Variants in FAM13A observed in about 807,000 individuals in gnomAD.
FAM13A encodes protein FAM13A.
FAM13A carries 76 observed loss-of-function variants against 129.6 expected under a neutral mutation model. The ratio of observed to expected loss-of-function variants is 0.59; its 90% CI spans 0.49 to 0.71. The LOEUF is 0.71. Among genes scored for constraint, FAM13A ranks in the 30% least tolerant of loss-of-function variants. FAM13A has a pLI of 0.00. For missense variants in FAM13A, 1,108 were observed against 1,249.3 expected, an observed-to-expected ratio of 0.89 and a Z score of 1.70; for synonymous variants, 443 against 449.9, an observed-to-expected ratio of 0.98 and a Z score of 0.20.
intron 3 of FAM13A, among the ~76,000 whole-genome samples, chr4:88,992,277 T>C (rs1242525718): frequency 2.6e-5 from 4 of 152,022 alleles, no homozygotes; most frequent in Non-Finnish European, 5.9e-5. Context: ...CTTCTTCTTT[T>C]TTTTTTTTTA....
chr4:88,971,854 A>T (rs1262493887), intron 4 of FAM13A, among the ~76,000 whole-genome samples: 1 of 152,202 alleles, frequency 6.6e-6, no homozygotes, highest in Non-Finnish European at 1.5e-5. Flanking sequence ...GGAAAAGGAA[A>T]CTAGTTGAAA....
intron 1 of FAM13A, among the ~76,000 whole-genome samples, chr4:89,041,539 G>A (rs1770128515): frequency 6.8e-6 from 1 of 147,008 alleles, no homozygotes; most frequent in Admixed American, 6.8e-5. Context: ...GTTAAATAAT[G>A]TATGTAAAAG....
chr4:88,819,085 G>A (rs1731383636), intron 7 of FAM13A, among the ~76,000 whole-genome samples: 2 of 152,092 alleles, frequency 1.3e-5, no homozygotes, highest in Admixed American at 1.3e-4. Context: ...CTTTTTTGAA[G>A]AAGAGCCACT....
At chr4:88,922,328 G>T (rs1173324941) in intron 5 of FAM13A, among the ~76,000 whole-genome samples, 1 of 151,918 alleles carries the variant, frequency 6.6e-6, no homozygotes, top group East Asian at 1.9e-4. Context: ...AAATGTAAAA[G>T]ATCAGACATT....
chr4:88,787,901 C>T lies in FAM13A; in HGVS notation c.1123G>A (p.Glu375Lys). The T allele has an allele frequency of 6.2e-7, 1 of 1,613,236 alleles. No individual in the cohort carries two copies. Among genetic ancestry groups the T allele is most frequent in the Non-Finnish European group, 8.5e-7 (1 of 1,179,536 alleles). Residue 375 changes from glutamate (E) to lysine (K), a missense_variant, in exon 10 of 24, where the codon GAA becomes AAA. Physicochemically the swap from Glu to Lys is moderately conservative, Grantham distance 56 (BLOSUM62 1). Around this residue, in one of 3 missense-constraint regions of FAM13A, gnomAD observed 566 missense variants for 595.7 expected, o/e 0.95. Transcript: ENST00000264344. ...TTATTAACATCAAAAAGATGTTGTT[C>T]TACAGCTGATCGGATGGTTCTTTCT... ...LLERTIRSAVEQHLFDVNNSG... is the reference protein window; with the variant it reads ...LLERTIRSAVKQHLFDVNNSG...
chr4:88,823,634 C>T (rs1311846302), intron 7 of FAM13A, among the ~76,000 whole-genome samples: 1 of 152,208 alleles, frequency 6.6e-6, no homozygotes, highest in East Asian at 1.9e-4. Flanking sequence ...AGTTATGTTG[C>T]GTCCCCTTTC....
At chr4:88,849,870 C>A (rs1368253458) in intron 7 of FAM13A, among the ~76,000 whole-genome samples, 1 of 152,186 alleles carries the variant, frequency 6.6e-6, no homozygotes, top group Admixed American at 6.5e-5. Context: ...ACCTTTCCAG[C>A]CTTATCTCCA....
At chr4:88,793,618 T>C (rs1725604904) in intron 8 of FAM13A, among the ~76,000 whole-genome samples, 1 of 151,914 alleles carries the variant, frequency 6.6e-6, no homozygotes. Flanking sequence ...TGGCAGGTTG[T>C]TGGTTAGCTT....
Position 89,057,125 on chromosome 4 carries a change from G to C in FAM13A, c.-161C>G. ...CGAAGAGCAGCTTCTAACATTTTAG[G>C]AAGAGTGGTTTTGCTTCTCTTTCCG... is the stretch of plus-strand genomic sequence containing the variant. On this transcript the variant is annotated 5_prime_UTR_variant, in exon 1 of 24. Coordinates refer to ENST00000264344, the MANE Select transcript of FAM13A (RefSeq NM_014883.4). 6.9e-7 allele frequency: 1 copy of C among 1,446,562 alleles called. No individual in the cohort carries two copies. The highest frequency in any genetic ancestry group is 2.3e-4 in the Middle Eastern group (1 of 4,372). 89.6% of individuals were successfully genotyped at this position (1,446,562 alleles called of 1,614,324 possible). A position where few individuals can be genotyped will look rare whatever the true frequency, so the allele number is the denominator to read the frequency against.
chr4:88,968,862 A>G (rs1387382485), intron 4 of FAM13A, among the ~76,000 whole-genome samples: 1 of 152,194 alleles, frequency 6.6e-6, no homozygotes, highest in Admixed American at 6.5e-5. Flanking sequence ...AGAAATGCCT[A>G]TAACGCTGTT....
chr4:88,782,494 T>C (rs1039226923), intron 10 of FAM13A, among the ~76,000 whole-genome samples: 1 of 152,198 alleles, frequency 6.6e-6, no homozygotes, highest in Non-Finnish European at 1.5e-5. Context: ...TATTTTACTA[T>C]TGGCTCAACC....
chr4:88,829,972 A>C (rs905493271), intron 7 of FAM13A, among the ~76,000 whole-genome samples: 2 of 152,200 alleles, frequency 1.3e-5, no homozygotes, highest in Non-Finnish European at 2.9e-5. Context: ...GGATATGGGA[A>C]ATAAAGAATC....
intron 6 of FAM13A, among the ~76,000 whole-genome samples, chr4:88,872,331 T>C (rs28794802): frequency 6.6e-6 from 1 of 152,110 alleles, no homozygotes; most frequent in African/African-American, 2.4e-5. Flanking sequence ...AATGCCCCAA[T>C]TAAAAGACAC....
At chr4:88,964,488 G>A (rs764536411) in intron 4 of FAM13A, among the ~76,000 whole-genome samples, 6 of 151,688 alleles carry the variant, frequency 4.0e-5, no homozygotes, top group Non-Finnish European at 8.8e-5. Flanking sequence ...TTTAAGGACT[G>A]GGTAGCATAA....
At chr4:88,870,239 G>A (rs1423512395) in intron 6 of FAM13A, among the ~76,000 whole-genome samples, 2 of 152,182 alleles carry the variant, frequency 1.3e-5, no homozygotes, top group Non-Finnish European at 2.9e-5. Context: ...GGTGATTTCT[G>A]CATTTCCAAC....
chr4:88,754,730 C>T (rs1743289276), intron 14 of FAM13A, among the ~76,000 whole-genome samples: 1 of 152,174 alleles, frequency 6.6e-6, no homozygotes, highest in Non-Finnish European at 1.5e-5. Context: ...TTCAATTAGT[C>T]TTGTTAACCA....
At chr4:88,964,699 C>T (rs1759111997) in intron 4 of FAM13A, among the ~76,000 whole-genome samples, 1 of 149,148 alleles carries the variant, frequency 6.7e-6, no homozygotes, top group African/African-American at 2.5e-5. Flanking sequence ...GCTACCTTGG[C>T]TCACTGCAAC....
At chr4:88,959,135 C>G (rs912487185) in intron 4 of FAM13A, among the ~76,000 whole-genome samples, 2 of 152,216 alleles carry the variant, frequency 1.3e-5, no homozygotes, top group East Asian at 1.9e-4. Context: ...AAGGGACATG[C>G]CTTGTCTCAG....
At chr4:88,837,649 C>T (rs113119141) in intron 7 of FAM13A, among the ~76,000 whole-genome samples, 10,361 of 133,392 alleles carry the variant, frequency 0.078, 516 homozygotes, top group African/African-American at 0.16. Flanking sequence ...GCCTGGGAGG[C>T]GGAGGTTGCG....
Sources: gnomAD v4.1 joint callset for allele counts (sites outside exome capture counted in the v4.1 genomes callset) on GRCh38, gnomAD v4.1.1 for gene constraint, gnomAD v4.1.1 regional missense constraint, MANE v1.5 for transcripts, NCBI Gene and HGNC (gene_info 2026-07-23, HGNC 2026-07-21) for gene names.